EHD2: variants seen among roughly 807,000 people sequenced by gnomAD.
The protein encoded by EHD2 is EH domain containing 2.
In EHD2, 27 loss-of-function variants were observed where a neutral mutation model predicts 41.0. The ratio of observed to expected loss-of-function variants is 0.66; its 90% CI spans 0.49 to 0.91. The LOEUF is 0.91. EHD2 is among the 40% of genes least tolerant of loss of function. The pLI is 0.00. For missense variants in EHD2, 673 were observed against 773.9 expected (o/e 0.87, Z 1.55); for synonymous variants, 342 against 341.0 (o/e 1.00, Z -0.03).
Position 47,716,989 on chromosome 19 carries a change from A to G in EHD2, c.377A>G (p.Asn126Ser), listed in dbSNP as rs1973636079. The change falls in exon 2 of 6, where the codon AAC becomes AGC. Residue 126 changes from asparagine (N) to serine (S), a missense_variant. Transcript: ENST00000263277. ...VDPDKPFRKL[N>S]PFGNTFLNRF... ...CCGGACAAGCCCTTCCGCAAACTCA[A>G]CCCTTTCGGAAACACCTTCCTCAAC... 3.1e-6 allele frequency: 5 copies of G among 1,601,210 alleles called. No homozygotes were observed. The highest frequency in any genetic ancestry group is 1.7e-5 in the Admixed American group (1 of 59,974).
intron 4 of EHD2, among the ~76,000 whole-genome samples, chr19:47,726,572 TTC>T (rs902715023): frequency 1.1e-4 from 16 of 151,666 alleles, no homozygotes; most frequent in South Asian, 6.3e-4. Context: ...CTCCTCCTTC[TTC>T]TCTTTCTTCC....
In EHD2 at chr19:47,741,635, T is replaced by G; in HGVS notation, c.*203T>G. ...AGGGACAAGGCTTCTCTGTCCGCCCTTCACACCTCCAGCCTCACGTTCACT... is the reference window on the plus strand; with the variant it reads ...AGGGACAAGGCTTCTCTGTCCGCCCGTCACACCTCCAGCCTCACGTTCACT... On this transcript the variant is annotated 3_prime_UTR_variant, in exon 6 of 6. Transcript: ENST00000263277. The surrounding 1 kb of genome is among the most constrained non-coding windows in gnomAD (Gnocchi z 4.5). 1 of 635,888 alleles carries G rather than the reference T, an allele frequency of 1.6e-6. No homozygotes were observed. Among genetic ancestry groups the G allele is most frequent in the Non-Finnish European group, 2.7e-6 (1 of 365,358 alleles). The allele number at this position is 635,888 out of a possible 1,614,324, so 39.4% of individuals were successfully genotyped here.
chr19:47,725,231 G>A (rs776592379), intron 3 of EHD2, among the ~76,000 whole-genome samples: 36 of 151,562 alleles, frequency 2.4e-4, no homozygotes, highest in Non-Finnish European at 4.1e-4. Flanking sequence ...TGTAATAACT[G>A]CTTAATGAAT....
Position 47,719,502 on chromosome 19 carries a change from A to T in EHD2, c.502+896A>T, listed in dbSNP as rs1973672257. Among the ~76,000 whole-genome samples, 1 of 152,036 alleles carries T rather than the reference A, an allele frequency of 6.6e-6. No homozygotes were observed. The highest frequency in any genetic ancestry group is 2.1e-4 in the South Asian group (1 of 4,818). On this transcript the variant is annotated intron_variant, in intron 3 of 5. Transcript: ENST00000263277. This position sits in a 1 kb window ranked among gnomAD's most constrained non-coding sequence, Gnocchi z 4.1. ...CCACCCCTGCCCAGCCCAGCTCAGC[A>T]TCTGTGGTCCCCCAGCCCCACAGAT... is the stretch of plus-strand genomic sequence containing the variant.
At position 47,719,021 on chromosome 19, in the gene EHD2, T is replaced by G. The variant is rs1973667024; in HGVS notation, c.502+415T>G. ...GGAGGGGCGGTGTCTCCGCTGGGACTTGGGCCTGTGTCCTCTGGCCCTGGC... is the reference window on the plus strand; with the variant it reads ...GGAGGGGCGGTGTCTCCGCTGGGACGTGGGCCTGTGTCCTCTGGCCCTGGC... On this transcript the variant is annotated intron_variant, in intron 3 of 5. Transcript: ENST00000263277. This position sits in a 1 kb window ranked among gnomAD's most constrained non-coding sequence, Gnocchi z 4.1. Among the ~76,000 whole-genome samples, 1 of 152,130 alleles carries G rather than the reference T, an allele frequency of 6.6e-6. No individual in the cohort carries two copies. The highest frequency in any genetic ancestry group is 2.1e-4 in the South Asian group (1 of 4,820).
chr19:47,733,673 T>A (rs562528002), intron 4 of EHD2, among the ~76,000 whole-genome samples: 14 of 114,214 alleles, frequency 1.2e-4, no homozygotes, highest in South Asian at 5.4e-4. Context: ...TCTCAAAAAA[T>A]AAATAAATAA....
rs897968636 is a variant in EHD2 at position 47,716,555 on chromosome 19, C to A, written c.-55-3C>A. 2 of 1,443,882 alleles carry A rather than the reference C, an allele frequency of 1.4e-6. No individual in the cohort carries two copies. The highest frequency in any genetic ancestry group is 1.8e-6 in the Non-Finnish European group (2 of 1,100,544). The allele number at this position is 1,443,882 out of a possible 1,614,324, so 89.4% of individuals were successfully genotyped here. On this transcript the variant is annotated splice_polypyrimidine_tract_variant and splice_region_variant and intron_variant, in intron 1 of 5. Coordinates refer to ENST00000263277, the MANE Select transcript of EHD2 (RefSeq NM_014601.4). ...ATGCTCATGCCCTCTCCCCCTCCCA[C>A]AGGCAGCTCTCCATCTGCACGTCTC...
intron 3 of EHD2, among the ~76,000 whole-genome samples, chr19:47,723,399 T>C (rs139278728): frequency 1.1e-4 from 16 of 152,250 alleles, no homozygotes; most frequent in African/African-American, 2.9e-4. Flanking sequence ...CAGTGGCTCA[T>C]GCCTGTAATC....
rs1417418324 is a variant in EHD2, at chr19:47,718,602, C to T, written c.498C>T (p.Ser166=). 2 of 1,554,398 alleles carry T rather than the reference C, an allele frequency of 1.3e-6. No individual in the cohort carries two copies. Among genetic ancestry groups the T allele is most frequent in the Non-Finnish European group, 1.7e-6 (2 of 1,147,216 alleles). The change falls in exon 3 of 6, where the codon AGC becomes AGT. Residue 166 remains serine, a synonymous_variant. Transcript: ENST00000263277. ...TGTCGGGTGCCAAGCAGAGAGTGAGCCGCGGTGAGTGGGGCCAGACCCTGG... is the reference window on the plus strand; with the variant it reads ...TGTCGGGTGCCAAGCAGAGAGTGAGTCGCGGTGAGTGGGGCCAGACCCTGG... ...GILSGAKQRV[S]RGYDFPAVLR...
chr19:47,718,510 T>G lies in EHD2; in HGVS notation c.406T>G (p.Phe136Val). 6.3e-7 allele frequency: 1 copy of G among 1,577,486 alleles called. No individual in the cohort carries two copies. Among genetic ancestry groups the G allele is most frequent in the Non-Finnish European group, 8.6e-7 (1 of 1,160,862 alleles). ...CCCTGACCCTCCCTCTGCCCCCAGG[T>G]TCATGTGTGCCCAGCTCCCTAATCA... ...NPFGNTFLNR[F>V]MCAQLPNQVL... The change falls in exon 3 of 6, where the codon TTC becomes GTC. Residue 136 changes from phenylalanine to valine, a missense_variant and splice_region_variant. Transcript: ENST00000263277.
intron 4 of EHD2, among the ~76,000 whole-genome samples, chr19:47,728,729 C>T (rs988308552): frequency 1.3e-5 from 2 of 151,432 alleles, no homozygotes; most frequent in African/African-American, 4.9e-5. Flanking sequence ...CCACCACACC[C>T]AGCTAATTTT....
Position 47,741,394 on chromosome 19 carries a change from C to T in EHD2, c.1594C>T (p.Pro532Ser), listed in dbSNP as rs1199086369. The change falls in exon 6 of 6, where the codon CCA (proline) becomes TCA (serine). Residue 532 changes from proline (P) to serine (S), a missense_variant. Coordinates refer to ENST00000263277, the MANE Select transcript of EHD2 (RefSeq NM_014601.4). The surrounding 1 kb of genome is among the most constrained non-coding windows in gnomAD (Gnocchi z 4.5). ...CGCCAACCTGCCCCGTCGCCTGGTG[C>T]CACCCTCCAAGCGACGCCACAAGGG... ...LPANLPRRLV[P>S]PSKRRHKGSA... 8 of 1,597,776 alleles carry T rather than the reference C, an allele frequency of 5.0e-6. No homozygotes were observed. Among genetic ancestry groups the T allele is most frequent in the Non-Finnish European group, 5.9e-6 (7 of 1,177,270 alleles).
intron 3 of EHD2, among the ~76,000 whole-genome samples, chr19:47,721,162 GGGGTGTGTGTGTGT>G (rs368187402): frequency 0.033 from 4,615 of 138,288 alleles, 229 homozygotes; most frequent in African/African-American, 0.13. Flanking sequence ...TGTGCTACTG[GGGGTGTGTGTGTGT>G]GTGTGTGTGT....
rs1340394012 is a variant in EHD2, at chr19:47,719,800, A to T, written c.502+1194A>T. 6.6e-6 allele frequency among the ~76,000 whole-genome samples: 1 copy of T among 150,634 alleles called. No individual in the cohort carries two copies. The highest frequency in any genetic ancestry group is 1.5e-5 in the Non-Finnish European group (1 of 67,612). ...CAGGGCCTGGACCTGGGACAGCGGG[A>T]GGGAGAGGCTCTCTCAGCCAGGGCA... On this transcript the variant is annotated intron_variant, in intron 3 of 5. Coordinates refer to ENST00000263277, the MANE Select transcript of EHD2 (RefSeq NM_014601.4). The surrounding 1 kb of genome is among the most constrained non-coding windows in gnomAD (Gnocchi z 4.1).
In EHD2 at chr19:47,722,009, A is replaced by AACACAC. The variant is rs201572396; in HGVS notation, c.502+3446_502+3451dup. On this transcript the variant is annotated intron_variant, in intron 3 of 5. Coordinates refer to ENST00000263277, the MANE Select transcript of EHD2 (RefSeq NM_014601.4). Reference sequence around the variant, plus strand: ...CAAAAATAAACAAACAGAAAAACAAAACACACACACACACACACACACACA... The same window carrying AACACAC: ...CAAAAATAAACAAACAGAAAAACAAAACACACACACACACACACACACACACACACA... Among the ~76,000 whole-genome samples the AACACAC allele has an allele frequency of 5.2e-3, 676 of 130,718 alleles. 4 individuals carry two copies. The highest frequency in any genetic ancestry group is 7.0e-3 in the Non-Finnish European group (424 of 60,456). The allele number at this position is 130,718 out of a possible 152,430, so 85.8% of individuals were successfully genotyped here.
chr19:47,722,009 A>C (rs377380420), intron 3 of EHD2, among the ~76,000 whole-genome samples: 45 of 130,738 alleles, frequency 3.4e-4, no homozygotes, highest in African/African-American at 1.2e-3. Context: ...AGAAAAACAA[A>C]ACACACACAC....
chr19:47,729,804 C>G (rs1028972824), intron 4 of EHD2: 2 of 152,648 alleles, frequency 1.3e-5, no homozygotes, highest in African/African-American at 2.4e-5. Flanking sequence ...CCAGGCGGCT[C>G]TGCAGTGTCT....
chr19:47,717,987 T>C (rs186769998), intron 2 of EHD2, among the ~76,000 whole-genome samples: 82 of 148,380 alleles, frequency 5.5e-4, no homozygotes, highest in Non-Finnish European at 8.9e-4. Flanking sequence ...GAATAGCACC[T>C]GGTGGCCGGG....
At chr19:47,717,725 G>A (rs1973644043) in intron 2 of EHD2, among the ~76,000 whole-genome samples, 1 of 151,706 alleles carries the variant, frequency 6.6e-6, no homozygotes, top group South Asian at 2.1e-4. Flanking sequence ...TGGCCAACAT[G>A]GTGAAACCCC....
Sources: allele counts gnomAD v4.1 joint callset (sites outside exome capture counted in the v4.1 genomes callset), GRCh38; gene constraint gnomAD v4.1.1; non-coding constraint Gnocchi (gnomAD v3.1); transcripts MANE v1.5; gene names NCBI Gene and HGNC (gene_info 2026-07-23, HGNC 2026-07-21).